ROBO2: variants seen among roughly 807,000 people sequenced by gnomAD.
ROBO2 encodes the protein roundabout guidance receptor 2.
Under a neutral mutation model 160.8 loss-of-function variants are expected in ROBO2, and 53 were observed. The observed-to-expected ratio is 0.33, with a 90% confidence interval of 0.26 to 0.41. The LOEUF is 0.41. ROBO2 is among the 10% of genes least tolerant of loss of function. The pLI, the probability that ROBO2 is intolerant of heterozygous loss-of-function variation, is 1.00. For synonymous variants in ROBO2, 664 were observed against 611.7 expected (o/e 1.09, Z -1.26); for missense variants, 1,577 against 1,722.4 (o/e 0.92, Z 1.49).
At chr3:75,907,799 A>T (rs950679715) in intron 1 of ROBO2, among the ~76,000 whole-genome samples, 1 of 152,026 alleles carries the variant, frequency 6.6e-6, no homozygotes, top group Non-Finnish European at 1.5e-5. Flanking sequence ...TTTCCCACAG[A>T]ACTTCCTTCA....
At chr3:76,356,529 C>A (rs980916389) in intron 2 of ROBO2, among the ~76,000 whole-genome samples, 2 of 151,302 alleles carry the variant, frequency 1.3e-5, no homozygotes, top group Non-Finnish European at 3.0e-5. Flanking sequence ...ATACTTCAAG[C>A]AGAATATCTA....
At chr3:76,677,637 C>T (rs1007674328) in intron 2 of ROBO2, among the ~76,000 whole-genome samples, 4 of 152,198 alleles carry the variant, frequency 2.6e-5, no homozygotes, top group Middle Eastern at 3.4e-3. Context: ...AAATCCATCT[C>T]TTCTTCATAA....
exon 5 of ROBO2, chr3:77,493,328 A>T (rs748546244): frequency 7.4e-6 from 12 of 1,613,922 alleles, no homozygotes; most frequent in Non-Finnish European, 1.0e-5. Flanking sequence ...GTCCAAGGAG[A>T]TCCTCAACCA....
chr3:77,622,441 A>C lies in ROBO2; in HGVS notation c.3760+9A>C, dbSNP rs200252202. ...AGACAGCTCTGTGACAGGTAACGGA[A>C]CCAATTTAATAGGAAAAACTGACCT... On this transcript the variant is annotated intron_variant, in intron 23 of 25. Coordinates refer to ENST00000461745, the Ensembl canonical transcript of ROBO2. The C allele has an allele frequency of 6.2e-6, 10 of 1,613,650 alleles. No homozygotes were observed. The highest frequency in any genetic ancestry group is 8.5e-6 in the Non-Finnish European group (10 of 1,179,760).
At chr3:76,848,735 G>A (rs1475162433) in intron 2 of ROBO2, among the ~76,000 whole-genome samples, 1 of 152,050 alleles carries the variant, frequency 6.6e-6, no homozygotes, top group African/African-American at 2.4e-5. Flanking sequence ...CTTTTTATAA[G>A]GGCACTGATC....
intron 2 of ROBO2, among the ~76,000 whole-genome samples, chr3:76,555,080 A>G (rs550709099): frequency 5.1e-4 from 77 of 152,230 alleles, no homozygotes; most frequent in African/African-American, 1.6e-3. Context: ...CAAATGAAAA[A>G]TAAATAAATC....
At chr3:77,240,032 A>G (rs1395830534) in intron 2 of ROBO2, among the ~76,000 whole-genome samples, 6 of 152,174 alleles carry the variant, frequency 3.9e-5, no homozygotes, top group Admixed American at 6.5e-5. Flanking sequence ...GGCTTTGCCT[A>G]GTGGATCCCA....
intron 2 of ROBO2, among the ~76,000 whole-genome samples, chr3:77,470,777 C>T (rs1213130444): frequency 6.6e-6 from 1 of 152,078 alleles, no homozygotes; most frequent in Non-Finnish European, 1.5e-5. Flanking sequence ...TATTCATAAA[C>T]TAAAATGTAT....
chr3:77,503,529 A>T (rs2087969411), intron 5 of ROBO2, among the ~76,000 whole-genome samples: 1 of 145,086 alleles, frequency 6.9e-6, no homozygotes, highest in Non-Finnish European at 1.5e-5. Context: ...GTCTCTAAAT[A>T]AATAAATAAA....
chr3:76,060,371 T>A lies in ROBO2; in HGVS notation c.109+122769T>A, dbSNP rs992374038. On this transcript the variant is annotated intron_variant, in intron 2 of 26. Coordinates refer to the ROBO2 transcript ENST00000487694. ...TGTGGTGAAGGAGTGAATAAGTATG[T>A]CTGTGACCATAATCTTGAGTAATAT... is the stretch of plus-strand genomic sequence containing the variant. 6.9e-4 allele frequency among the ~76,000 whole-genome samples: 105 copies of A among 152,224 alleles called. 2 individuals are homozygous for A. The highest frequency in any genetic ancestry group is 2.6e-4 in the Non-Finnish European group (18 of 68,028).
At chr3:77,165,033 G>A (rs1338506625) in intron 2 of ROBO2, among the ~76,000 whole-genome samples, 10 of 151,934 alleles carry the variant, frequency 6.6e-5, no homozygotes, top group Non-Finnish European at 1.3e-4. Context: ...GAGCCCCTCT[G>A]CCCGGCCACC....
chr3:76,171,256 C>T (rs2107001342), intron 2 of ROBO2, among the ~76,000 whole-genome samples: 1 of 151,906 alleles, frequency 6.6e-6, no homozygotes, highest in South Asian at 2.1e-4. Context: ...CGTAGCTTCT[C>T]TACCACTGAT....
chr3:76,456,297 G>C (rs1003634818), intron 2 of ROBO2, among the ~76,000 whole-genome samples: 26 of 152,250 alleles, frequency 1.7e-4, no homozygotes, highest in Non-Finnish European at 3.2e-4. Context: ...GATAAATTCA[G>C]GTAGAAATTT....
At chr3:77,030,001 A>G (rs1043231756) in intron 2 of ROBO2, among the ~76,000 whole-genome samples, 8 of 150,220 alleles carry the variant, frequency 5.3e-5, no homozygotes, top group Admixed American at 4.0e-4. Context: ...GCTGGAGTGC[A>G]GTGGTGCGAT....
chr3:76,509,208 G>C (rs1167282295), intron 2 of ROBO2, among the ~76,000 whole-genome samples: 2 of 152,082 alleles, frequency 1.3e-5, no homozygotes, highest in East Asian at 3.9e-4. Flanking sequence ...CCATTTTAGG[G>C]CTCCTTCTGT....
At chr3:76,771,844 G>A (rs892981790) in intron 2 of ROBO2, among the ~76,000 whole-genome samples, 1 of 151,242 alleles carries the variant, frequency 6.6e-6, no homozygotes, top group East Asian at 2.0e-4. Flanking sequence ...ACTACATATT[G>A]TATAGCTTAT....
intron 2 of ROBO2, among the ~76,000 whole-genome samples, chr3:76,438,215 G>C (rs772413571): frequency 6.6e-6 from 1 of 152,030 alleles, no homozygotes; most frequent in East Asian, 1.9e-4. Context: ...TGAAAGTTGT[G>C]TAAATATTGG....
intron 2 of ROBO2, among the ~76,000 whole-genome samples, chr3:76,745,794 T>A (rs934599800): frequency 2.0e-5 from 2 of 100,034 alleles, no homozygotes; most frequent in South Asian, 3.8e-4. Context: ...TTTTAAAAAA[T>A]TTATTTTTAT....
chr3:76,618,742 A>T (rs1453792318), intron 2 of ROBO2, among the ~76,000 whole-genome samples: 3 of 151,820 alleles, frequency 2.0e-5, no homozygotes, highest in Non-Finnish European at 4.4e-5. Context: ...ACATTTAATC[A>T]CAATTGACGG....
Sources: allele counts gnomAD v4.1 joint callset (sites outside exome capture counted in the v4.1 genomes callset), GRCh38; gene constraint gnomAD v4.1.1; transcripts MANE v1.5; gene names NCBI Gene and HGNC (gene_info 2026-07-23, HGNC 2026-07-21).